RPRD2: variants seen among roughly 807,000 people sequenced by gnomAD.
The protein encoded by RPRD2 is regulation of nuclear pre-mRNA domain containing 2, also known as regulation of nuclear pre-mRNA domain-containing protein 2.
RPRD2 carries 12 observed loss-of-function variants against 104.4 expected under a neutral mutation model. That is an observed-to-expected ratio of 0.11 (90% CI 0.07 to 0.19). The LOEUF (loss-of-function observed/expected upper bound fraction) is 0.19. RPRD2 is among the 10% of genes least tolerant of loss of function. The pLI is 1.00. For synonymous variants in RPRD2, 714 were observed against 684.9 expected (o/e 1.04, Z -0.66); for missense variants, 1,543 against 1,790.1 (o/e 0.86, Z 2.49).
intron 1 of RPRD2, among the ~76,000 whole-genome samples, chr1:150,395,530 T>G (rs1327221770): frequency 4.0e-5 from 6 of 148,766 alleles, no homozygotes; most frequent in Non-Finnish European, 6.0e-5. Context: ...TTTTTTTTTT[T>G]GAGATGGAGT....
intron 1 of RPRD2, among the ~76,000 whole-genome samples, chr1:150,367,652 T>C (rs1659942576): frequency 6.6e-6 from 1 of 152,170 alleles, no homozygotes. Flanking sequence ...CTTTTGTTCA[T>C]ATAAAAGGAA....
At chr1:150,442,454 T>C (rs189688482) in intron 4 of RPRD2, among the ~76,000 whole-genome samples, 2 of 152,302 alleles carry the variant, frequency 1.3e-5, no homozygotes, top group East Asian at 1.9e-4. Context: ...GCTCCTGTTA[T>C]ATTTATCGTA....
intron 9 of RPRD2, among the ~76,000 whole-genome samples, chr1:150,461,382 T>C (rs1290780464): frequency 6.6e-6 from 1 of 152,244 alleles, no homozygotes; most frequent in Non-Finnish European, 1.5e-5. Context: ...AAAGTAAGTG[T>C]ATTGCATATA....
chr1:150,442,641 C>T (rs1666483099), intron 4 of RPRD2, among the ~76,000 whole-genome samples: 1 of 152,166 alleles, frequency 6.6e-6, no homozygotes, highest in South Asian at 2.1e-4. Context: ...ATATGATATC[C>T]ATCATGATTA....
intron 4 of RPRD2, among the ~76,000 whole-genome samples, chr1:150,442,888 A>C (rs1407701867): frequency 1.3e-5 from 2 of 152,106 alleles, no homozygotes; most frequent in African/African-American, 4.8e-5. Flanking sequence ...CCTGTTCCTG[A>C]ACACTCTTAA....
intron 7 of RPRD2, among the ~76,000 whole-genome samples, chr1:150,454,880 A>C (rs1667419674): frequency 6.6e-6 from 1 of 151,160 alleles, no homozygotes; most frequent in Non-Finnish European, 1.5e-5. Context: ...TTGAATTTAC[A>C]AAACAAAATA....
intron 8 of RPRD2, 78 bp downstream of exon 8, chr1:150,457,648 G>A: frequency 8.4e-7 from 1 of 1,193,062 alleles, no homozygotes. Flanking sequence ...TCACAGGCAG[G>A]TATTGAAAGA....
Position 150,472,924 on chromosome 1 carries a change from A to C in RPRD2, c.3976A>C (p.Lys1326Gln). Reference sequence around the variant, plus strand: ...GGCAGGGGCTGTGGCAGTATTTCCCAAGGACCATAGTTCCCTCCTTCAAGG... The same window carrying C: ...GGCAGGGGCTGTGGCAGTATTTCCCCAGGACCATAGTTCCCTCCTTCAAGG... ...GVAGAVAVFP[K>Q]DHSSLLQGTL... Residue 1326 changes from lysine (K) to glutamine (Q), a missense_variant, in exon 11 of 11, where the codon AAG becomes CAG. By Grantham distance (53) the Lys-to-Gln change is moderately conservative. Transcript: ENST00000369068. 1 of 1,613,140 alleles carries C rather than the reference A, an allele frequency of 6.2e-7. No individual in the cohort carries two copies. Among genetic ancestry groups the C allele is most frequent in the Non-Finnish European group, 8.5e-7 (1 of 1,179,508 alleles).
At chr1:150,446,971 G>C (rs1666823403) in intron 7 of RPRD2, among the ~76,000 whole-genome samples, 1 of 151,808 alleles carries the variant, frequency 6.6e-6, no homozygotes, top group African/African-American at 2.4e-5. Flanking sequence ...TGAGTAGCTG[G>C]GATTACAGGC....
chr1:150,391,684 G>A (rs1572381654), intron 1 of RPRD2, among the ~76,000 whole-genome samples: 2 of 152,278 alleles, frequency 1.3e-5, no homozygotes. Flanking sequence ...GAGGCGGGCG[G>A]ATCACCTAAG....
In RPRD2 at chr1:150,460,241, G is replaced by A. The variant is rs150570984; in HGVS notation, c.1335G>A (p.Leu445=). The change falls in exon 9 of 11, where the codon TTG becomes TTA. Residue 445 remains leucine (L), a synonymous_variant. Coordinates refer to ENST00000369068, the MANE Select transcript of RPRD2 (RefSeq NM_015203.5). ...TTTCCCCTTCCCCAGCATTGGCTTT[G>A]CCAAACCTGGCTAATGTGGATCTGG... is the stretch of plus-strand genomic sequence containing the variant. ...TSLSPSPALA[L]PNLANVDLAK... is the part of the protein sequence containing the mutation. The A allele has an allele frequency of 1.9e-5, 31 of 1,613,572 alleles. No individual in the cohort carries two copies. The highest frequency in any genetic ancestry group is 1.6e-4 in the Middle Eastern group (1 of 6,062).
chr1:150,387,476 C>T lies in RPRD2; in HGVS notation c.205+22557C>T, dbSNP rs782587696. ...TGATTGTACTGGGTTGCAGGTGAAACTGTACTGTTTCTAGTCATGTGACAG... is the reference window on the plus strand; with the variant it reads ...TGATTGTACTGGGTTGCAGGTGAAATTGTACTGTTTCTAGTCATGTGACAG... On this transcript the variant is annotated intron_variant, in intron 1 of 10. Transcript: ENST00000369068. Among the ~76,000 whole-genome samples the T allele has an allele frequency of 2.5e-4, 37 of 145,402 alleles. No homozygotes were observed. In the Middle Eastern group the frequency reaches 0.015, roughly 60 times the overall value.
In RPRD2 at chr1:150,472,021, C is replaced by T. The variant is rs773255330; in HGVS notation, c.3073C>T (p.His1025Tyr). Residue 1025 changes from histidine (H) to tyrosine (Y), a missense_variant, in exon 11 of 11, where the codon CAT (histidine) becomes TAT (tyrosine). Coordinates refer to ENST00000369068, the MANE Select transcript of RPRD2 (RefSeq NM_015203.5). ...NASRKPSDDK[H>Y]FGQAPSKGTP... ...CTCACGTAAGCCCTCAGATGATAAGCATTTTGGCCAGGCTCCCAGCAAGGG... is the reference window on the plus strand; with the variant it reads ...CTCACGTAAGCCCTCAGATGATAAGTATTTTGGCCAGGCTCCCAGCAAGGG... 6 of 1,613,770 alleles carry T rather than the reference C, an allele frequency of 3.7e-6. No homozygotes were observed. The African/African-American group carries it at 8.0e-5, about 22-fold the overall frequency.
At chr1:150,405,681 T>C (rs1663415601) in intron 1 of RPRD2, among the ~76,000 whole-genome samples, 1 of 152,198 alleles carries the variant, frequency 6.6e-6, no homozygotes, top group South Asian at 2.1e-4. Context: ...AGTTTCACTT[T>C]CCTGGTTAAC....
chr1:150,471,057 C>A lies in RPRD2; in HGVS notation c.2109C>A (p.Ser703Arg). Residue 703 changes from serine (S) to arginine (R), a missense_variant, in exon 11 of 11, where the codon AGC becomes AGA. Physicochemically the swap from Ser to Arg is moderately radical, Grantham distance 110. Around this residue, in one of 4 missense-constraint regions of RPRD2, gnomAD observed 572 missense variants for 787.3 expected, o/e 0.73. Transcript: ENST00000369068. This position sits in a 1 kb window ranked among gnomAD's most constrained non-coding sequence, Gnocchi z 5.3. ...SSLGSSAPSE[S>R]HPSDFQRGPT... ...TGGGGTCCAGCGCCCCATCAGAGAG[C>A]CATCCCTCAGACTTCCAGCGTGGCC... 1 of 1,614,024 alleles carries A rather than the reference C, an allele frequency of 6.2e-7. No individual in the cohort carries two copies. Among genetic ancestry groups the A allele is most frequent in the East Asian group, 2.2e-5 (1 of 44,888 alleles).
chr1:150,466,075 C>G (rs926920109), intron 10 of RPRD2, among the ~76,000 whole-genome samples: 21 of 148,152 alleles, frequency 1.4e-4, no homozygotes, highest in Middle Eastern at 4.0e-3. Context: ...AACCCTGTCT[C>G]TACAACGGAA....
chr1:150,425,473 GTC>G (rs1440413293), intron 2 of RPRD2, among the ~76,000 whole-genome samples: 1 of 151,754 alleles, frequency 6.6e-6, no homozygotes, highest in Non-Finnish European at 1.5e-5. Flanking sequence ...GAGAAACCCT[GTC>G]TCTACTAAAA....
intron 1 of RPRD2, among the ~76,000 whole-genome samples, chr1:150,401,527 G>A (rs1406226476): frequency 2.6e-5 from 4 of 152,050 alleles, no homozygotes; most frequent in African/African-American, 9.7e-5. Context: ...GCCCAGGTTG[G>A]AGTGTAGTGG....
At chr1:150,384,246 A>AG (rs1395955897) in intron 1 of RPRD2, among the ~76,000 whole-genome samples, 1 of 152,086 alleles carries the variant, frequency 6.6e-6, no homozygotes, top group Non-Finnish European at 1.5e-5. Flanking sequence ...GTTGCAGAGC[A>AG]GGGAGTACCA....
Sources: allele counts gnomAD v4.1 joint callset (sites outside exome capture counted in the v4.1 genomes callset), GRCh38; gene constraint gnomAD v4.1.1; regional missense constraint gnomAD v4.1.1; non-coding constraint Gnocchi (gnomAD v3.1); transcripts MANE v1.5; gene names NCBI Gene and HGNC (gene_info 2026-07-23, HGNC 2026-07-21).